The following PPP2R5B variants were observed in gnomAD, a reference collection of about 807,000 sequenced individuals.
PPP2R5B encodes protein phosphatase 2 regulatory subunit B'beta.
A neutral mutation model predicts 59.9 loss-of-function variants in PPP2R5B; 19 were observed. The ratio of observed to expected loss-of-function variants is 0.32; its 90% CI spans 0.22 to 0.47. The LOEUF is 0.47. Ranked by LOEUF, PPP2R5B falls within the 20% of genes least tolerant of loss-of-function variation. The pLI is 1.00. For missense variants in PPP2R5B, 441 were observed against 640.2 expected (o/e 0.69, Z 3.36); for synonymous variants, 286 against 260.5 (o/e 1.10, Z -0.94).
chr11:64,928,369 C>T lies in PPP2R5B; in HGVS notation c.666C>T (p.Gly222=). The part of the protein sequence containing the change: ...YLKTILHRVY[G]KFLGLRAYIR... Reference sequence around the variant, plus strand: ...AGACCATCCTGCACCGGGTCTATGGCAAGTTCCTGGGTCTCCGGGCCTACA... The same window carrying T: ...AGACCATCCTGCACCGGGTCTATGGTAAGTTCCTGGGTCTCCGGGCCTACA... Residue 222 remains glycine (G), a synonymous_variant, in exon 6 of 14, where the codon GGC becomes GGT. Coordinates refer to ENST00000164133, the MANE Select transcript of PPP2R5B (RefSeq NM_006244.4). 2 of 1,614,252 alleles carry T rather than the reference C, an allele frequency of 1.2e-6. No homozygotes were observed. Among genetic ancestry groups the T allele is most frequent in the Non-Finnish European group, 1.7e-6 (2 of 1,180,044 alleles).
Position 64,931,690 on chromosome 11 carries a change from G to A in PPP2R5B, c.997-59G>A. 1 of 1,614,018 alleles carries A rather than the reference G, an allele frequency of 6.2e-7. No individual in the cohort carries two copies. Among genetic ancestry groups the A allele is most frequent in the Non-Finnish European group, 8.5e-7 (1 of 1,179,964 alleles). On this transcript the variant is annotated intron_variant, in intron 10 of 13. Coordinates refer to ENST00000164133, the MANE Select transcript of PPP2R5B (RefSeq NM_006244.4). This position sits in a 1 kb window ranked among gnomAD's most constrained non-coding sequence, Gnocchi z 5.0. The stretch of plus-strand genomic sequence containing the variant: ...AGAAGGCAGTCAGGTGTGTGTATGT[G>A]TAGGGGGAGATGTGAGCTGCTGCCC...
intron 3 of PPP2R5B, 49 bp from the exon 4 acceptor site, chr11:64,927,753 T>G: frequency 7.3e-7 from 1 of 1,378,298 alleles, no homozygotes; most frequent in Non-Finnish European, 1.0e-6. Context: ...ACTCCCTGGC[T>G]TCTGTCTTCA....
chr11:64,921,908 T>C (rs183401118), upstream of PPP2R5B, among the ~76,000 whole-genome samples: 64 of 152,334 alleles, frequency 4.2e-4, no homozygotes, highest in Admixed American at 8.5e-4. Context: ...CACAACGTGA[T>C]GCATTTCGTT....
upstream of PPP2R5B, among the ~76,000 whole-genome samples, chr11:64,920,055 G>T (rs539832751): frequency 2.0e-5 from 3 of 151,552 alleles, no homozygotes; most frequent in Middle Eastern, 3.4e-3. Flanking sequence ...AGAGGTTGCC[G>T]TGAGCTGAGA....
intron 1 of PPP2R5B, among the ~76,000 whole-genome samples, chr11:64,919,108 A>C (rs953464706): frequency 6.6e-6 from 1 of 152,194 alleles, no homozygotes; most frequent in Non-Finnish European, 1.5e-5. Context: ...TGGGAGGCCA[A>C]GGCGGGTGGA....
chr11:64,929,406 C>T (rs530136338), intron 6 of PPP2R5B, among the ~76,000 whole-genome samples: 1 of 152,276 alleles, frequency 6.6e-6, no homozygotes, highest in East Asian at 1.9e-4. Flanking sequence ...ATTACTTAAG[C>T]TCTCTCCTAG....
intron 3 of PPP2R5B, 50 bp downstream of exon 3, chr11:64,926,958 G>C (rs1384313168): frequency 6.3e-7 from 1 of 1,584,630 alleles, no homozygotes; most frequent in Non-Finnish European, 8.6e-7. Flanking sequence ...GGGCGTGTGA[G>C]CCCCGTTTCC....
chr11:64,928,205 GCTCT>G, intron 5 of PPP2R5B, 47 bp downstream of exon 5: 1 of 1,613,410 alleles, frequency 6.2e-7, no homozygotes, highest in Non-Finnish European at 8.5e-7. Flanking sequence ...GCAGGGGCAG[GCTCT>G]CTGAGGGGCC....
intron 4 of PPP2R5B, 52 bp from the exon 5 acceptor site, chr11:64,928,005 GGTGGAATGA>G (rs1945186948): frequency 6.3e-7 from 1 of 1,578,168 alleles, no homozygotes; most frequent in Non-Finnish European, 8.7e-7. Context: ...AGGGCCATAG[GGTGGAATGA>G]GTGGGTGAGG....
In PPP2R5B at chr11:64,930,496, T is replaced by C. The variant is rs1488153224; in HGVS notation, c.798T>C (p.Phe266=). Reference sequence around the variant, plus strand: ...TCCTCCTCAGCATCATCAATGGCTTTGCGCTGCCCCTGAAGACGGAGCACA... The same window carrying C: ...TCCTCCTCAGCATCATCAATGGCTTCGCGCTGCCCCTGAAGACGGAGCACA... ...LEILGSIING[F]ALPLKTEHKQ... is the part of the protein sequence containing the mutation. The change falls in exon 8 of 14, where the codon TTT becomes TTC. Residue 266 remains phenylalanine, a synonymous_variant. Transcript: ENST00000164133. 1 of 1,614,174 alleles carries C rather than the reference T, an allele frequency of 6.2e-7. No homozygotes were observed. The highest frequency in any genetic ancestry group is 1.7e-5 in the Admixed American group (1 of 60,024).
upstream of PPP2R5B, among the ~76,000 whole-genome samples, chr11:64,922,824 G>A (rs1053383289): frequency 3.3e-5 from 5 of 151,060 alleles, no homozygotes; most frequent in Admixed American, 6.6e-5. Context: ...GCAGTGAGCC[G>A]AGTTTGTGCC....
chr11:64,930,265 AG>A (rs1945214187), intron 6 of PPP2R5B, 56 bp from the exon 7 acceptor site: 1 of 1,584,170 alleles, frequency 6.3e-7, no homozygotes, highest in Non-Finnish European at 8.7e-7. Context: ...AGGATGCCTA[AG>A]GGGGCACTGG....
chr11:64,920,174 G>A (rs1945097078), upstream of PPP2R5B, among the ~76,000 whole-genome samples: 1 of 152,154 alleles, frequency 6.6e-6, no homozygotes, highest in Admixed American at 6.5e-5. Flanking sequence ...AAGGTGGTGG[G>A]GATAGAAGGG....
chr11:64,928,231 G>A (rs1478740225), intron 5 of PPP2R5B, 64 bp from the exon 6 acceptor site: 3 of 1,613,054 alleles, frequency 1.9e-6, no homozygotes, highest in South Asian at 1.1e-5. Context: ...GGGATAGGAT[G>A]GAAGCAACCT....
upstream of PPP2R5B, among the ~76,000 whole-genome samples, chr11:64,920,291 ATC>A (rs1454873025): frequency 6.6e-6 from 1 of 152,166 alleles, no homozygotes; most frequent in Non-Finnish European, 1.5e-5. Context: ...CTGCACTCAC[ATC>A]TGTCTGTTGT....
rs748344083 is a variant in PPP2R5B, at chr11:64,928,358, C to T, written c.655C>T (p.Arg219Trp). The part of the protein sequence containing the change: ...EREYLKTILH[R>W]VYGKFLGLRA... ...TGAGTACCTCAAGACCATCCTGCAC[C>T]GGGTCTATGGCAAGTTCCTGGGTCT... The change falls in exon 6 of 14, where the codon CGG becomes TGG. Residue 219 changes from arginine (R) to tryptophan (W), a missense_variant. By Grantham distance (101) the Arg-to-Trp change is moderately radical. Around this residue, in one of 3 missense-constraint regions of PPP2R5B, gnomAD observed 268 missense variants for 488.1 expected, o/e 0.55. Coordinates refer to ENST00000164133, the MANE Select transcript of PPP2R5B (RefSeq NM_006244.4). 2 of 1,614,216 alleles carry T rather than the reference C, an allele frequency of 1.2e-6. No individual in the cohort carries two copies. Among genetic ancestry groups the T allele is most frequent in the Non-Finnish European group, 1.7e-6 (2 of 1,180,048 alleles).
At position 64,925,808 on chromosome 11, in the gene PPP2R5B, C is replaced by G. The variant is rs762299687; in HGVS notation, c.74C>G (p.Pro25Arg). ...CCCGGGCTGTCGCCTGTGCCCCCAC[C>G]CGACAAGGTGGACGGCTTCTCCCGC... Reference protein sequence around the residue: ...SSPGLSPVPPPDKVDGFSRRS... With the variant: ...SSPGLSPVPPRDKVDGFSRRS... The change falls in exon 2 of 14, where the codon CCC (proline) becomes CGC (arginine). Residue 25 changes from proline (P) to arginine (R), a missense_variant. Pro to Arg is a moderately radical substitution (Grantham distance 103). Around this residue, in one of 3 missense-constraint regions of PPP2R5B, gnomAD observed 103 missense variants for 87.9 expected, o/e 1.17. Transcript: ENST00000164133. This position sits in a 1 kb window ranked among gnomAD's most constrained non-coding sequence, Gnocchi z 4.6. 3.2e-5 allele frequency: 51 copies of G among 1,601,314 alleles called. No individual in the cohort carries two copies. Among genetic ancestry groups the G allele is most frequent in the Non-Finnish European group, 3.4e-6 (4 of 1,173,634 alleles).
chr11:64,930,741 T>C, intron 8 of PPP2R5B, 152 bp downstream of exon 8: 1 of 678,942 alleles, frequency 1.5e-6, no homozygotes. Context: ...CCACTGGCGC[T>C]TTAAGGCTAA....
chr11:64,929,183 C>T (rs1339810266), intron 6 of PPP2R5B, among the ~76,000 whole-genome samples: 1 of 152,160 alleles, frequency 6.6e-6, no homozygotes, highest in Non-Finnish European at 1.5e-5. Context: ...TTTGCAGGGA[C>T]TGGGTCAGTC....
Sources: gnomAD v4.1 joint callset for allele counts (sites outside exome capture counted in the v4.1 genomes callset) on GRCh38, gnomAD v4.1.1 for gene constraint, gnomAD v4.1.1 regional missense constraint, Gnocchi (gnomAD v3.1) non-coding constraint, MANE v1.5 for transcripts, NCBI Gene and HGNC (gene_info 2026-07-23, HGNC 2026-07-21) for gene names.